Variants in LINGO1 observed in about 807,000 individuals in gnomAD.
The protein encoded by LINGO1 is leucine-rich repeat and immunoglobulin-like domain-containing nogo receptor-interacting protein 1.
A neutral mutation model predicts 37.3 loss-of-function variants in LINGO1; 11 were observed. That is an observed-to-expected ratio of 0.29 (90% CI 0.19 to 0.49). The LOEUF is 0.49. Among genes scored for constraint, LINGO1 ranks in the 20% least tolerant of loss-of-function variants. The pLI, the probability that LINGO1 is intolerant of heterozygous loss-of-function variation, is 0.99. For missense variants in LINGO1, 585 were observed against 878.2 expected (o/e 0.67, Z 4.22); for synonymous variants, 387 against 403.0 (o/e 0.96, Z 0.48).
intron 2 of LINGO1, among the ~76,000 whole-genome samples, chr15:77,714,051 A>G (rs2075953671): frequency 6.6e-6 from 1 of 152,066 alleles, no homozygotes; most frequent in African/African-American, 2.4e-5. Context: ...CTCTCCCCTG[A>G]GCTCCAGGCT....
chr15:77,692,235 G>T (rs1193478849), intron 1 of LINGO1, among the ~76,000 whole-genome samples: 3 of 152,216 alleles, frequency 2.0e-5, no homozygotes. Context: ...ACAACAACTG[G>T]GTGAGGGAAC....
At chr15:77,790,740 C>T (rs1326184271), upstream of LINGO1, among the ~76,000 whole-genome samples, 1 of 152,184 alleles carries the variant, frequency 6.6e-6, no homozygotes. Context: ...AGATGCTAAA[C>T]ATAGCTCCTG....
chr15:77,634,735 C>T (rs1367636160), upstream of LINGO1, among the ~76,000 whole-genome samples: 1 of 152,098 alleles, frequency 6.6e-6, no homozygotes, highest in East Asian at 1.9e-4. Context: ...CTCCGCGCTG[C>T]CTGGACCCCT....
chr15:77,679,003 A>G (rs2075371364), intron 2 of LINGO1, among the ~76,000 whole-genome samples: 1 of 152,088 alleles, frequency 6.6e-6, no homozygotes, highest in South Asian at 2.1e-4. Context: ...CTGGTGGGGA[A>G]GTGATTATCC....
rs2073648776 is a variant in LINGO1 at position 77,614,920 on chromosome 15, A to C, written c.987T>G (p.Tyr329Ter). The change falls in exon 2 of 2, where the codon TAT becomes TAG. Residue 329 changes from tyrosine to a stop codon, truncating the protein, a stop_gained. Transcript: ENST00000355300. LOFTEE classifies it high-confidence loss of function. ...VGGQLAVVEP[Y>*]AFRGLNYLRV... ...GCAGGTAGTTGAGGCCGCGGAAGGC[A>C]TAGGGCTCCACCACGGCCAGCTGCC... 6.2e-7 allele frequency: 1 copy of C among 1,613,634 alleles called. No individual in the cohort carries two copies. The highest frequency in any genetic ancestry group is 8.5e-7 in the Non-Finnish European group (1 of 1,179,840).
At chr15:77,738,718 C>A (rs1229324434) in intron 1 of LINGO1, among the ~76,000 whole-genome samples, 1 of 146,648 alleles carries the variant, frequency 6.8e-6, no homozygotes, top group East Asian at 2.0e-4. Flanking sequence ...CAGTGCTTGG[C>A]ACCCAGGAGA....
intron 1 of LINGO1, among the ~76,000 whole-genome samples, chr15:77,812,722 A>G (rs2077015778): frequency 6.6e-6 from 1 of 152,260 alleles, no homozygotes; most frequent in Non-Finnish European, 1.5e-5. Context: ...ATGGAGATTT[A>G]TCAGTACCCC....
At chr15:77,808,009 G>GA (rs965490049) in intron 1 of LINGO1, among the ~76,000 whole-genome samples, 19 of 152,100 alleles carry the variant, frequency 1.2e-4, no homozygotes, top group Non-Finnish European at 2.5e-4. Context: ...GAATGGGGTG[G>GA]AAAAAATCAA....
intron 1 of LINGO1, among the ~76,000 whole-genome samples, chr15:77,736,248 A>G (rs1241723509): frequency 6.6e-6 from 1 of 151,896 alleles, no homozygotes; most frequent in Non-Finnish European, 1.5e-5. Flanking sequence ...AGGGGTATAT[A>G]CCAGGGAGCA....
At chr15:77,800,300 C>T (rs1039629884) in intron 1 of LINGO1, among the ~76,000 whole-genome samples, 1 of 152,226 alleles carries the variant, frequency 6.6e-6, no homozygotes, top group Non-Finnish European at 1.5e-5. Flanking sequence ...TGCCACCTCA[C>T]GTCCCTAGTT....
chr15:77,651,726 G>A (rs1328687491), intron 3 of LINGO1: 1 of 152,234 alleles, frequency 6.6e-6, no homozygotes, highest in Admixed American at 6.5e-5. Flanking sequence ...AAACTCAAGA[G>A]TGCTTGATCG....
At chr15:77,792,600 G>A (rs1473199179) in intron 2 of LINGO1, among the ~76,000 whole-genome samples, 1 of 152,222 alleles carries the variant, frequency 6.6e-6, no homozygotes, top group Non-Finnish European at 1.5e-5. Flanking sequence ...CTCCAGAGAA[G>A]GGCTCCAGAG....
chr15:77,664,170 T>TGTGTGCGTGTGCGCGCGCGC, intron 3 of LINGO1, among the ~76,000 whole-genome samples: 1 of 130,946 alleles, frequency 7.6e-6, no homozygotes, highest in African/African-American at 3.7e-5. Flanking sequence ...TGTGTGTGTG[T>TGTGTGCGTGTGCGCGCGCGC]GCGCGCGCGC....
intron 3 of LINGO1, among the ~76,000 whole-genome samples, chr15:77,639,376 G>A (rs1173287803): frequency 1.3e-5 from 2 of 151,984 alleles, no homozygotes; most frequent in African/African-American, 4.8e-5. Flanking sequence ...GTGTGGCGAG[G>A]GTATTGAGAT....
At chr15:77,785,405 A>T (rs1027920407) in intron 1 of LINGO1, among the ~76,000 whole-genome samples, 1 of 152,034 alleles carries the variant, frequency 6.6e-6, no homozygotes, top group Non-Finnish European at 1.5e-5. Context: ...GCACTTCCCA[A>T]CTGAGGCCCT....
At chr15:77,680,186 T>C (rs1001561075) in intron 2 of LINGO1, among the ~76,000 whole-genome samples, 6 of 152,186 alleles carry the variant, frequency 3.9e-5, no homozygotes, top group African/African-American at 1.4e-4. Flanking sequence ...ATGATGGAGC[T>C]CCTGGCAGCC....
chr15:77,751,350 T>A (rs1242006442), intron 1 of LINGO1, among the ~76,000 whole-genome samples: 2 of 152,244 alleles, frequency 1.3e-5, no homozygotes, highest in African/African-American at 2.4e-5. Flanking sequence ...TTAGGATCAT[T>A]ACCTTGAACA....
chr15:77,738,807 GGAAGGAAA>G (rs1212152407), intron 1 of LINGO1, among the ~76,000 whole-genome samples: 41 of 145,682 alleles, frequency 2.8e-4, no homozygotes, highest in Middle Eastern at 3.6e-3. Flanking sequence ...AAGGAAGGAA[GGAAGGAAA>G]GAAGGAAGGA....
chr15:77,656,493 C>G (rs1355358514), intron 3 of LINGO1, among the ~76,000 whole-genome samples: 1 of 152,236 alleles, frequency 6.6e-6, no homozygotes, highest in African/African-American at 2.4e-5. Context: ...CAGCTCCTCC[C>G]CCCGCAGCCG....
Sources: gnomAD v4.1 joint callset for allele counts (sites outside exome capture counted in the v4.1 genomes callset) on GRCh38, gnomAD v4.1.1 for gene constraint, MANE v1.5 for transcripts, NCBI Gene and HGNC (gene_info 2026-07-23, HGNC 2026-07-21) for gene names.